PCDHAC2: variants seen among roughly 807,000 people sequenced by gnomAD.
PCDHAC2 encodes protocadherin alpha-C2.
Under a neutral mutation model 63.3 loss-of-function variants are expected in PCDHAC2, and 24 were observed. The observed-to-expected ratio is 0.38, with a 90% CI of 0.27 to 0.53. The LOEUF is 0.53. Among genes scored for constraint, PCDHAC2 ranks in the 20% least tolerant of loss-of-function variants. The pLI, the probability that PCDHAC2 is intolerant of heterozygous loss-of-function variation, is 0.81. For missense variants in PCDHAC2, 1,181 were observed against 1,275.2 expected, an observed-to-expected ratio of 0.93 and a Z score of 1.12; for synonymous variants, 569 against 529.4, an observed-to-expected ratio of 1.07 and a Z score of -1.03.
At position 140,966,788 on chromosome 5, in the gene PCDHAC2, C is replaced by A; in HGVS notation, c.22C>A (p.Pro8Thr). The change falls in exon 1 of 4, where the codon CCT becomes ACT. Residue 8 changes from proline (P) to threonine (T), a missense_variant. Around this residue, in one of 3 missense-constraint regions of PCDHAC2, gnomAD observed 210 missense variants for 184.9 expected, o/e 1.14. Transcript: ENST00000289269. The stretch of plus-strand genomic sequence containing the variant: ...GGCTATGGAGCAGGCGGGCACCAGA[C>A]CTGCGGCGACAGAGCATCCACGGCT... Reference protein sequence around the residue: MEQAGTRPAATEHPRLRR... With the variant: MEQAGTRTAATEHPRLRR... The A allele has an allele frequency of 6.5e-7, 1 of 1,527,436 alleles. No individual in the cohort carries two copies. Among genetic ancestry groups the A allele is most frequent in the African/African-American group, 1.4e-5 (1 of 73,192 alleles). 94.6% of individuals were successfully genotyped at this position (1,527,436 alleles called of 1,614,324 possible).
chr5:140,967,472 G>A lies in PCDHAC2; in HGVS notation c.706G>A (p.Ala236Thr). Reference sequence around the variant, plus strand: ...CACAGCCGTGGATGGGGGCATCCCAGCCCGCTCGGGTACGGCACAGATCTC... The same window carrying A: ...CACAGCCGTGGATGGGGGCATCCCAACCCGCTCGGGTACGGCACAGATCTC... ...VLTAVDGGIP[A>T]RSGTAQISVR... The change falls in exon 1 of 4, where the codon GCC becomes ACC. Residue 236 changes from alanine (A) to threonine (T), a missense_variant. By Grantham distance (58) the Ala-to-Thr change is moderately conservative. Around this residue, in one of 3 missense-constraint regions of PCDHAC2, gnomAD observed 968 missense variants for 1,073.5 expected, o/e 0.90. Transcript: ENST00000289269. 6.2e-7 allele frequency: 1 copy of A among 1,613,430 alleles called. No individual in the cohort carries two copies. Among genetic ancestry groups the A allele is most frequent in the Non-Finnish European group, 8.5e-7 (1 of 1,179,768 alleles).
rs1554262487 is a variant in PCDHAC2, at chr5:141,009,847, G to T, written c.2934G>T (p.Glu978Asp). ...TCATAACCTTCGGCAAAAAGGAGGA[G>T]ACCAAGAAAAAGAAGAAAAAGAAGA... ...SDFITFGKKE[E>D]TKKKKKKKKG... Residue 978 changes from glutamate (E) to aspartate (D), a missense_variant, in exon 4 of 4, where the codon GAG (glutamate) becomes GAT (aspartate). Glu to Asp is a conservative substitution (Grantham distance 45). Coordinates refer to ENST00000289269, the MANE Select transcript of PCDHAC2 (RefSeq NM_018899.6). 1 of 1,613,870 alleles carries T rather than the reference G, an allele frequency of 6.2e-7. No homozygotes were observed. Among genetic ancestry groups the T allele is most frequent in the Non-Finnish European group, 8.5e-7 (1 of 1,180,010 alleles).
At position 140,967,465 on chromosome 5, in the gene PCDHAC2, C is replaced by T; in HGVS notation, c.699C>T (p.Gly233=). The part of the protein sequence containing the change: ...HHLVLTAVDG[G]IPARSGTAQI... ...TGGTTCTCACAGCCGTGGATGGGGG[C>T]ATCCCAGCCCGCTCGGGTACGGCAC... The change falls in exon 1 of 4, where the codon GGC becomes GGT. Residue 233 remains glycine (G), a synonymous_variant. Coordinates refer to ENST00000289269, the MANE Select transcript of PCDHAC2 (RefSeq NM_018899.6). The T allele has an allele frequency of 1.2e-6, 2 of 1,613,512 alleles. No homozygotes were observed. Among genetic ancestry groups the T allele is most frequent in the Non-Finnish European group, 1.7e-6 (2 of 1,179,832 alleles).
At chr5:140,973,325 A>G (rs180770098) in intron 1 of PCDHAC2, among the ~76,000 whole-genome samples, 71 of 152,216 alleles carry the variant, frequency 4.7e-4, no homozygotes, top group African/African-American at 1.7e-3. Context: ...CAGAGTTTAC[A>G]CTCGTTGTAA....
intron 3 of PCDHAC2, among the ~76,000 whole-genome samples, chr5:140,985,957 T>A (rs2097180705): frequency 6.6e-6 from 1 of 152,084 alleles, no homozygotes. Context: ...GCCAGGATGG[T>A]CTCAATCTCC....
Position 140,966,695 on chromosome 5 carries a change from C to T in PCDHAC2, c.-72C>T, listed in dbSNP as rs2096038904. ...GGGTGGCACGAGCGGAGGCGGGGCC[C>T]GGGCGTGGGGCACGGCTGGGGAAGC... is the stretch of plus-strand genomic sequence containing the variant. On this transcript the variant is annotated 5_prime_UTR_variant, in exon 1 of 4. Coordinates refer to ENST00000289269, the MANE Select transcript of PCDHAC2 (RefSeq NM_018899.6). 4 of 1,358,486 alleles carry T rather than the reference C, an allele frequency of 2.9e-6. No individual in the cohort carries two copies. In the South Asian group the frequency reaches 5.2e-5, roughly 18 times the overall value. The allele number at this position is 1,358,486 out of a possible 1,614,324, so 84.2% of individuals were successfully genotyped here. A position where few individuals can be genotyped will look rare whatever the true frequency, so the allele number is the denominator to read the frequency against.
In PCDHAC2 at chr5:140,979,814, T is replaced by C. The variant is rs1296773498; in HGVS notation, c.2624+807T>C. 3.3e-5 allele frequency among the ~76,000 whole-genome samples: 5 copies of C among 152,232 alleles called. No homozygotes were observed. The South Asian group carries it at 8.3e-4, about 25-fold the overall frequency. On this transcript the variant is annotated intron_variant, in intron 2 of 3. Transcript: ENST00000289269. The stretch of plus-strand genomic sequence containing the variant: ...CAAATGATCACAACTATCAAAAGGA[T>C]TTAATTTTAAAGAAGAAATAATCTT...
chr5:141,010,697 C>T lies in PCDHAC2; in HGVS notation c.*760C>T, dbSNP rs1163164861. The T allele has an allele frequency of 6.3e-6, 1 of 158,698 alleles. No homozygotes were observed. 9.8% of individuals were successfully genotyped at this position (158,698 alleles called of 1,614,324 possible). A position where few individuals can be genotyped will look rare whatever the true frequency, so the allele number is the denominator to read the frequency against. On this transcript the variant is annotated 3_prime_UTR_variant, in exon 4 of 4. Coordinates refer to ENST00000289269, the MANE Select transcript of PCDHAC2 (RefSeq NM_018899.6). ...AACAGAAGCAGATCTGATGTGTTTCCTATACATGTCCTGTGCTCACTTTAT... is the reference window on the plus strand; with the variant it reads ...AACAGAAGCAGATCTGATGTGTTTCTTATACATGTCCTGTGCTCACTTTAT...
intron 3 of PCDHAC2, among the ~76,000 whole-genome samples, chr5:140,983,034 C>G (rs923296416): frequency 2.6e-5 from 4 of 151,944 alleles, no homozygotes; most frequent in Non-Finnish European, 5.9e-5. Context: ...GATGGTTTCT[C>G]ATGGAAGTGG....
chr5:140,987,747 T>G (rs1336636332), intron 3 of PCDHAC2, among the ~76,000 whole-genome samples: 1 of 152,178 alleles, frequency 6.6e-6, no homozygotes. Context: ...TAGACCCAGG[T>G]TGTTCTGAGT....
chr5:140,979,566 G>A (rs2096856791), intron 2 of PCDHAC2, among the ~76,000 whole-genome samples: 1 of 152,194 alleles, frequency 6.6e-6, no homozygotes, highest in Non-Finnish European at 1.5e-5. Flanking sequence ...GATGAGCCAT[G>A]TAAAGGGCTC....
At chr5:140,999,766 A>G (rs1417826824) in intron 3 of PCDHAC2, among the ~76,000 whole-genome samples, 2 of 152,180 alleles carry the variant, frequency 1.3e-5, no homozygotes, top group African/African-American at 2.4e-5. Flanking sequence ...TGATGTCTTT[A>G]TACTCTTAAC....
chr5:140,997,971 G>A (rs2097791982), intron 3 of PCDHAC2, among the ~76,000 whole-genome samples: 3 of 152,086 alleles, frequency 2.0e-5, no homozygotes, highest in Admixed American at 2.0e-4. Context: ...CCTGTGGTTG[G>A]ACTGCACTTG....
In PCDHAC2 at chr5:140,966,557, G is replaced by T; in HGVS notation, c.-210G>T. 2.1e-6 allele frequency: 1 copy of T among 477,538 alleles called. No individual in the cohort carries two copies. The highest frequency in any genetic ancestry group is 3.5e-6 in the Non-Finnish European group (1 of 282,478). 29.6% of individuals were successfully genotyped at this position (477,538 alleles called of 1,614,324 possible). ...GAGCGACTCGGAGGCGAGCGGAGGA[G>T]CTGGAATATGGGGAGTCAGCGAGGA... On this transcript the variant is annotated 5_prime_UTR_variant, in exon 1 of 4. Coordinates refer to ENST00000289269, the MANE Select transcript of PCDHAC2 (RefSeq NM_018899.6).
rs551685820 is a variant in PCDHAC2, at chr5:140,967,997, C to G, written c.1231C>G (p.Arg411Gly). Residue 411 changes from arginine to glycine, a missense_variant, in exon 1 of 4, where the codon CGA becomes GGA. This residue lies in a region of PCDHAC2 where 968 missense variants were observed against 1,073.5 expected (regional missense o/e 0.90). Transcript: ENST00000289269. ...GGGTCTGGAGGCCACACTGCCTTTC[C>G]GACTGAATGGCTTTGGAAACTCCTA... is the stretch of plus-strand genomic sequence containing the variant. ...SLGLEATLPF[R>G]LNGFGNSYTL... The G allele has an allele frequency of 4.3e-6, 7 of 1,614,220 alleles. No individual in the cohort carries two copies. In the African/African-American group the frequency reaches 6.7e-5, roughly 15 times the overall value.
intron 1 of PCDHAC2, among the ~76,000 whole-genome samples, chr5:140,973,282 C>T (rs1554235080): frequency 2.6e-5 from 4 of 152,148 alleles, no homozygotes; most frequent in African/African-American, 7.2e-5. Context: ...TCCCCCAGCA[C>T]TGATTTTTCT....
At chr5:140,980,189 A>T (rs2096879459) in intron 2 of PCDHAC2, among the ~76,000 whole-genome samples, 1 of 152,226 alleles carries the variant, frequency 6.6e-6, no homozygotes, top group African/African-American at 2.4e-5. Context: ...CTTTATATTT[A>T]TTAGAGACCA....
intron 3 of PCDHAC2, among the ~76,000 whole-genome samples, chr5:141,003,441 AGAT>A (rs2098125025): frequency 6.6e-6 from 1 of 152,122 alleles, no homozygotes; most frequent in Non-Finnish European, 1.5e-5. Context: ...CCTCCCAAGT[AGAT>A]GAAATTACAG....
chr5:140,982,308 A>T, intron 2 of PCDHAC2, 167 bp from the exon 3 acceptor site: 1 of 1,269,286 alleles, frequency 7.9e-7, no homozygotes. Context: ...ATGCTTCTGC[A>T]GTTTATGCAG....
Sources: gnomAD v4.1 joint callset for allele counts (sites outside exome capture counted in the v4.1 genomes callset) on GRCh38, gnomAD v4.1.1 for gene constraint, gnomAD v4.1.1 regional missense constraint, MANE v1.5 for transcripts, NCBI Gene and HGNC (gene_info 2026-07-23, HGNC 2026-07-21) for gene names.